HMBOX1: variants seen among roughly 807,000 people sequenced by gnomAD.
HMBOX1 encodes the protein homeobox containing 1, also known as homeobox-containing protein 1.
HMBOX1 carries 14 observed loss-of-function variants against 54.5 expected under a neutral mutation model. That is an observed-to-expected ratio of 0.26 (90% CI 0.17 to 0.40). The LOEUF is 0.40. Among genes scored for constraint, HMBOX1 ranks in the 10% least tolerant of loss-of-function variants. HMBOX1 has a pLI of 1.00. For missense variants in HMBOX1, 332 were observed against 514.4 expected (o/e 0.65, Z 3.43); for synonymous variants, 160 against 181.0 (o/e 0.88, Z 0.93).
intron 1 of HMBOX1, among the ~76,000 whole-genome samples, chr8:28,898,462 C>T (rs1359411099): frequency 1.3e-5 from 2 of 152,146 alleles, no homozygotes; most frequent in Non-Finnish European, 2.9e-5. Context: ...GATCATTTGG[C>T]TTCAAGGACA....
rs117805043 is a variant in HMBOX1 at position 28,988,531 on chromosome 8, A to G, written c.586+8375A>G. On this transcript the variant is annotated intron_variant, in intron 4 of 9. Coordinates refer to ENST00000287701, the MANE Select transcript of HMBOX1 (RefSeq NM_001135726.3). ...AACTGTTTTCCAGTGTGGCTCCACC[A>G]TTTTATCTTCCCACCAGCAAAGAAT... Among the ~76,000 whole-genome samples the G allele has an allele frequency of 2.4e-3, 362 of 152,236 alleles. 16 individuals carry two copies. In the East Asian group the frequency reaches 0.059, roughly 25 times the overall value.
chr8:28,950,573 T>A (rs1482385442), intron 1 of HMBOX1, among the ~76,000 whole-genome samples: 1 of 152,202 alleles, frequency 6.6e-6, no homozygotes, highest in Non-Finnish European at 1.5e-5. Context: ...AATCTGAAGA[T>A]CTGAAGTCAA....
At chr8:28,904,111 C>G (rs1190525423) in intron 1 of HMBOX1, among the ~76,000 whole-genome samples, 1 of 152,010 alleles carries the variant, frequency 6.6e-6, no homozygotes, top group Non-Finnish European at 1.5e-5. Context: ...AGTTGACACT[C>G]TACATCAGTT....
intron 1 of HMBOX1, among the ~76,000 whole-genome samples, chr8:28,896,816 T>G (rs1388164351): frequency 6.6e-6 from 1 of 152,198 alleles, no homozygotes; most frequent in Non-Finnish European, 1.5e-5. Context: ...GGTGCGTTTC[T>G]CAGAGTGTAT....
At chr8:28,901,332 C>T (rs1813196595) in intron 1 of HMBOX1, among the ~76,000 whole-genome samples, 1 of 152,002 alleles carries the variant, frequency 6.6e-6, no homozygotes, top group African/African-American at 2.4e-5. Context: ...TTTTTCTATA[C>T]AAGTGTTTCT....
chr8:28,994,864 A>G (rs1307209250), intron 4 of HMBOX1, among the ~76,000 whole-genome samples: 1 of 152,228 alleles, frequency 6.6e-6, no homozygotes, highest in Non-Finnish European at 1.5e-5. Flanking sequence ...AGATGAAAGC[A>G]TCTTAGAATA....
chr8:28,927,272 C>T (rs949446782), intron 1 of HMBOX1, among the ~76,000 whole-genome samples: 2 of 151,938 alleles, frequency 1.3e-5, no homozygotes, highest in African/African-American at 4.8e-5. Flanking sequence ...TACTGTGTAT[C>T]CACAAAAATT....
intron 1 of HMBOX1, among the ~76,000 whole-genome samples, chr8:28,909,542 G>A (rs1479494368): frequency 6.6e-6 from 1 of 152,170 alleles, no homozygotes. Context: ...CAGACTTTGA[G>A]AAGAACTGTC....
At chr8:28,977,045 C>T (rs1828522493) in intron 3 of HMBOX1, among the ~76,000 whole-genome samples, 2 of 152,114 alleles carry the variant, frequency 1.3e-5, no homozygotes, top group South Asian at 4.1e-4. Flanking sequence ...TACTTAGAGA[C>T]TTGTCAAATA....
chr8:28,920,777 C>T lies in HMBOX1; in HGVS notation c.-58+30099C>T, dbSNP rs565464590. On this transcript the variant is annotated intron_variant, in intron 1 of 9. Transcript: ENST00000287701. ...TAGAGGAGAGTGTCAGAAAAGTATT[C>T]ATCTATCTTTTGAGAGACCAGACAA... is the stretch of plus-strand genomic sequence containing the variant. Among the ~76,000 whole-genome samples the T allele has an allele frequency of 1.6e-3, 249 of 152,222 alleles. 1 individual carries two copies. The highest frequency in any genetic ancestry group is 0.01 in the Middle Eastern group (3 of 294).
rs1421772490 is a variant in HMBOX1 at position 28,971,000 on chromosome 8, A to T, written c.500+481A>T. Among the ~76,000 whole-genome samples the T allele has an allele frequency of 4.1e-5, 6 of 145,230 alleles. No homozygotes were observed. The highest frequency in any genetic ancestry group is 1.5e-4 in the African/African-American group (6 of 39,750). ...ATAGATGACACACACACACACACAC[A>T]CACACACACACACACACACACACAC... On this transcript the variant is annotated intron_variant, in intron 3 of 9. Coordinates refer to ENST00000287701, the MANE Select transcript of HMBOX1 (RefSeq NM_001135726.3). The surrounding 1 kb of genome is among the most constrained non-coding windows in gnomAD (Gnocchi z 4.3).
chr8:28,989,677 CTTTATAGGTCT>C (rs1830696214), intron 4 of HMBOX1, among the ~76,000 whole-genome samples: 1 of 152,134 alleles, frequency 6.6e-6, no homozygotes, highest in Admixed American at 6.5e-5. Flanking sequence ...TCACTATTGA[CTTTATAGGTCT>C]TTTGTATTTT....
chr8:28,951,224 C>T (rs1253604919), intron 1 of HMBOX1, among the ~76,000 whole-genome samples: 3 of 152,216 alleles, frequency 2.0e-5, no homozygotes, highest in Admixed American at 1.3e-4. Context: ...CCTCCACCTC[C>T]TGGGTTCAAG....
chr8:29,042,907 G>A (rs1007482328), intron 6 of HMBOX1, among the ~76,000 whole-genome samples: 6 of 152,152 alleles, frequency 3.9e-5, no homozygotes, highest in African/African-American at 1.4e-4. Flanking sequence ...TAAAGAAAGT[G>A]AAGAACAAAC....
intron 5 of HMBOX1, 118 bp downstream of exon 5, chr8:29,009,300 C>G: frequency 9.5e-7 from 1 of 1,052,410 alleles, no homozygotes; most frequent in Non-Finnish European, 1.4e-6. Flanking sequence ...ACTATGGTTG[C>G]TTTATGCAGA....
chr8:28,992,272 G>C (rs529998285), intron 4 of HMBOX1, among the ~76,000 whole-genome samples: 2 of 152,274 alleles, frequency 1.3e-5, no homozygotes, highest in Non-Finnish European at 2.9e-5. Context: ...TACCTAAACG[G>C]ATTCTTGAGT....
At chr8:29,036,088 A>G (rs1334125054) in intron 6 of HMBOX1, among the ~76,000 whole-genome samples, 1 of 152,186 alleles carries the variant, frequency 6.6e-6, no homozygotes, top group African/African-American at 2.4e-5. Flanking sequence ...AAGTGTACTA[A>G]AAACTCACCT....
chr8:28,994,451 C>A (rs1274767571), intron 4 of HMBOX1, among the ~76,000 whole-genome samples: 1 of 152,004 alleles, frequency 6.6e-6, no homozygotes, highest in Non-Finnish European at 1.5e-5. Context: ...ATACCAGAAT[C>A]AAAAATCAGT....
At position 29,051,908 on chromosome 8, in the gene HMBOX1, A is replaced by AAC. The variant is rs946215475; in HGVS notation, c.*754_*755insCA. On this transcript the variant is annotated 3_prime_UTR_variant, in exon 10 of 10. Coordinates refer to ENST00000287701, the MANE Select transcript of HMBOX1 (RefSeq NM_001135726.3). Reference sequence around the variant, plus strand: ...AAAACCAAAAGTCATTAAAAAAAAAAAAAAAAAAAACCCAGCTTGAGAGCA... The same window carrying AAC: ...AAAACCAAAAGTCATTAAAAAAAAAAACAAAAAAAAAACCCAGCTTGAGAGCA... 4.0e-6 allele frequency: 1 copy of AAC among 247,678 alleles called. No individual in the cohort carries two copies. The highest frequency in any genetic ancestry group is 2.2e-5 in the African/African-American group (1 of 44,914). 15.3% of individuals were successfully genotyped at this position (247,678 alleles called of 1,614,324 possible). A position where few individuals can be genotyped will look rare whatever the true frequency, so the allele number is the denominator to read the frequency against.
Sources: gnomAD v4.1 joint callset for allele counts (sites outside exome capture counted in the v4.1 genomes callset) on GRCh38, gnomAD v4.1.1 for gene constraint, Gnocchi (gnomAD v3.1) non-coding constraint, MANE v1.5 for transcripts, NCBI Gene and HGNC (gene_info 2026-07-23, HGNC 2026-07-21) for gene names.